Variants in LHFPL6 observed in about 807,000 individuals in gnomAD.
LHFPL6 encodes the protein LHFPL tetraspan subfamily member 6, also known as LHFPL tetraspan subfamily member 6 protein.
LHFPL6 carries 9 observed loss-of-function variants against 20.6 expected under a neutral mutation model. That is an observed-to-expected ratio of 0.44 (90% confidence interval 0.26 to 0.76). The LOEUF (loss-of-function observed/expected upper bound fraction) is 0.76, where lower values mean the gene tolerates loss of function less well. Among genes scored for constraint, LHFPL6 ranks in the 30% least tolerant of loss-of-function variants. The pLI is 0.20. For missense variants in LHFPL6, 218 were observed against 253.5 expected, an observed-to-expected ratio of 0.86 and a Z score of 0.95; for synonymous variants, 105 against 98.7, an observed-to-expected ratio of 1.06 and a Z score of -0.38.
intron 2 of LHFPL6, among the ~76,000 whole-genome samples, chr13:39,566,806 T>C (rs982680467): frequency 6.6e-6 from 1 of 151,256 alleles, no homozygotes; most frequent in Non-Finnish European, 1.5e-5. Context: ...GACCTCTACT[T>C]GGCGGAACTC....
At chr13:39,385,004 C>G (rs1480195196) in intron 2 of LHFPL6, among the ~76,000 whole-genome samples, 1 of 152,212 alleles carries the variant, frequency 6.6e-6, no homozygotes, top group African/African-American at 2.4e-5. Flanking sequence ...GCTACAAGCT[C>G]ATTTGCAATT....
intron 3 of LHFPL6, among the ~76,000 whole-genome samples, chr13:39,363,205 T>A (rs1869922706): frequency 6.6e-6 from 1 of 152,158 alleles, no homozygotes; most frequent in African/African-American, 2.4e-5. Context: ...GCAGAAGGGA[T>A]GGGAGGCAGG....
At chr13:39,399,910 A>G (rs994924833) in intron 2 of LHFPL6, among the ~76,000 whole-genome samples, 4 of 152,102 alleles carry the variant, frequency 2.6e-5, no homozygotes, top group Non-Finnish European at 5.9e-5. Context: ...CCTGACCAAT[A>G]TGGAGAAACC....
chr13:39,477,297 A>G (rs1333314130), intron 2 of LHFPL6, among the ~76,000 whole-genome samples: 6 of 152,162 alleles, frequency 3.9e-5, no homozygotes, highest in African/African-American at 1.4e-4. Context: ...ATACAGTCAG[A>G]GCTACCCTAT....
intron 3 of LHFPL6, among the ~76,000 whole-genome samples, chr13:39,344,773 A>G (rs935098060): frequency 2.0e-5 from 3 of 152,354 alleles, no homozygotes; most frequent in Admixed American, 1.3e-4. Context: ...TATCAACATT[A>G]TAAGGTAGAA....
At chr13:39,345,729 A>G (rs1869384655) in intron 3 of LHFPL6, among the ~76,000 whole-genome samples, 1 of 151,996 alleles carries the variant, frequency 6.6e-6, no homozygotes, top group Non-Finnish European at 1.5e-5. Context: ...ACCTTTCATA[A>G]AGACGTTTAT....
At chr13:39,365,774 G>A (rs1468144130) in intron 3 of LHFPL6, among the ~76,000 whole-genome samples, 1 of 152,114 alleles carries the variant, frequency 6.6e-6, no homozygotes, top group Non-Finnish European at 1.5e-5. Context: ...ATGCAGCAAG[G>A]TTCCATGGCA....
At chr13:39,587,776 G>A (rs1872495127) in intron 2 of LHFPL6, among the ~76,000 whole-genome samples, 1 of 152,020 alleles carries the variant, frequency 6.6e-6, no homozygotes, top group Non-Finnish European at 1.5e-5. Context: ...CCATTAGATA[G>A]GAGTGATATT....
chr13:39,346,646 C>G (rs572143015), intron 3 of LHFPL6, among the ~76,000 whole-genome samples: 1 of 152,148 alleles, frequency 6.6e-6, no homozygotes, highest in Non-Finnish European at 1.5e-5. Context: ...CAGGCAGTCT[C>G]GTCTGCTGTC....
At chr13:39,363,395 T>A (rs1247774809) in intron 3 of LHFPL6, among the ~76,000 whole-genome samples, 3 of 152,086 alleles carry the variant, frequency 2.0e-5, no homozygotes, top group African/African-American at 7.2e-5. Flanking sequence ...AGGAGAAGGA[T>A]CATTTAGGTC....
chr13:39,390,628 C>T (rs1870682892), intron 2 of LHFPL6, among the ~76,000 whole-genome samples: 1 of 152,180 alleles, frequency 6.6e-6, no homozygotes, highest in South Asian at 2.1e-4. Flanking sequence ...CCAGACTTCC[C>T]CACTACGCCA....
chr13:39,362,642 T>G (rs1332071604), intron 3 of LHFPL6, among the ~76,000 whole-genome samples: 1 of 152,106 alleles, frequency 6.6e-6, no homozygotes, highest in African/African-American at 2.4e-5. Flanking sequence ...CTCATGAAAA[T>G]ACTCAATGAC....
intron 2 of LHFPL6, among the ~76,000 whole-genome samples, chr13:39,432,390 T>C (rs545369746): frequency 6.6e-6 from 1 of 152,290 alleles, no homozygotes; most frequent in South Asian, 2.1e-4. Flanking sequence ...CTCCTGTCTC[T>C]GACCTCACAT....
intron 2 of LHFPL6, among the ~76,000 whole-genome samples, chr13:39,387,857 T>C (rs1213565413): frequency 1.3e-5 from 2 of 152,162 alleles, no homozygotes; most frequent in Non-Finnish European, 2.9e-5. Context: ...ACCATTTGTC[T>C]AAGAATGACA....
chr13:39,511,202 G>T (rs915663976), intron 2 of LHFPL6, among the ~76,000 whole-genome samples: 2 of 150,726 alleles, frequency 1.3e-5, no homozygotes, highest in African/African-American at 4.9e-5. Flanking sequence ...TCTTTCAAAT[G>T]GACAAAAAAA....
chr13:39,479,441 T>C (rs1220833688), intron 2 of LHFPL6, among the ~76,000 whole-genome samples: 2 of 152,170 alleles, frequency 1.3e-5, no homozygotes, highest in Admixed American at 6.5e-5. Context: ...CCTGCAGTTC[T>C]TTCCAGAGTG....
intron 2 of LHFPL6, among the ~76,000 whole-genome samples, chr13:39,525,152 A>AG (rs1028339689): frequency 6.6e-6 from 1 of 152,210 alleles, no homozygotes; most frequent in Non-Finnish European, 1.5e-5. Flanking sequence ...CACGGGCAGA[A>AG]GGTGGCAAGA....
intron 2 of LHFPL6, among the ~76,000 whole-genome samples, chr13:39,398,601 T>C (rs1228154564): frequency 6.6e-6 from 1 of 152,176 alleles, no homozygotes; most frequent in Admixed American, 6.5e-5. Context: ...TTCTTGGATA[T>C]TGTAAATTTA....
At chr13:39,601,455 C>A in intron 1 of LHFPL6, 65 bp from the exon 2 acceptor site, 1 of 392,760 alleles carries the variant, frequency 2.5e-6, no homozygotes, top group Non-Finnish European at 4.6e-6. Flanking sequence ...ACTGTTTCAG[C>A]TAGTCTACAA....
Sources: allele counts gnomAD v4.1 joint callset (sites outside exome capture counted in the v4.1 genomes callset), GRCh38; gene constraint gnomAD v4.1.1; transcripts MANE v1.5; gene names NCBI Gene and HGNC (gene_info 2026-07-23, HGNC 2026-07-21).